CC2D1A: variants seen among roughly 807,000 people sequenced by gnomAD.
The protein encoded by CC2D1A is coiled-coil and C2 domain-containing protein 1A.
A neutral mutation model predicts 123.8 loss-of-function variants in CC2D1A; 68 were observed. The observed-to-expected ratio is 0.55, with a 90% confidence interval of 0.45 to 0.67. The LOEUF (loss-of-function observed/expected upper bound fraction) is 0.67, where lower values mean the gene tolerates loss of function less well. Ranked by LOEUF, CC2D1A falls within the 30% of genes least tolerant of loss-of-function variation. The pLI is 0.00. For missense variants in CC2D1A, 1,185 were observed against 1,290.3 expected, an observed-to-expected ratio of 0.92 and a Z score of 1.25; for synonymous variants, 477 against 528.0, an observed-to-expected ratio of 0.90 and a Z score of 1.32.
chr19:13,923,910 C>T lies in CC2D1A; in HGVS notation c.1940+99C>T. 1.1e-6 allele frequency: 1 copy of T among 884,192 alleles called. No homozygotes were observed. The highest frequency in any genetic ancestry group is 1.5e-5 in the South Asian group (1 of 68,224). The allele number at this position is 884,192 out of a possible 1,614,324, so 54.8% of individuals were successfully genotyped here. ...CCAGAAGCTGGCACAAGATTTACAT[C>T]TGGAAGAAATTTTGGATAGGTGGAA... On this transcript the variant is annotated intron_variant, in intron 17 of 28. Coordinates refer to ENST00000318003, the MANE Select transcript of CC2D1A (RefSeq NM_017721.5). This position sits in a 1 kb window ranked among gnomAD's most constrained non-coding sequence, Gnocchi z 5.3.
At chr19:13,919,992 G>C in intron 12 of CC2D1A, 41 bp downstream of exon 12, 1 of 1,562,106 alleles carries the variant, frequency 6.4e-7, no homozygotes, top group Admixed American at 1.8e-5. Context: ...CACACCTGTA[G>C]TCCCAGCACT....
rs1971375372 is a variant in CC2D1A at position 13,920,594 on chromosome 19, C to T, written c.1394C>T (p.Ala465Val). 1 of 1,609,208 alleles carries T rather than the reference C, an allele frequency of 6.2e-7. No homozygotes were observed. Among genetic ancestry groups the T allele is most frequent in the African/African-American group, 1.3e-5 (1 of 74,688 alleles). The stretch of plus-strand genomic sequence containing the variant: ...GTGGCCCCCACAGCCCAGCCCAAAG[C>T]CCCACCCTCAAGAACTCCCCAGTCG... ...SPVAPTAQPK[A>V]PPSRTPQSGS... Residue 465 changes from alanine to valine, a missense_variant, in exon 13 of 29, where the codon GCC becomes GTC. Ala to Val is a moderately conservative substitution (Grantham distance 64). Transcript: ENST00000318003.
At chr19:13,921,013 C>A in intron 14 of CC2D1A, 91 bp downstream of exon 14, 1 of 1,223,808 alleles carries the variant, frequency 8.2e-7, no homozygotes. Context: ...GTGTATTAGT[C>A]AAGGTCCAGC....
At chr19:13,912,494 C>A in intron 3 of CC2D1A, 34 bp from the exon 4 acceptor site, 1 of 1,614,062 alleles carries the variant, frequency 6.2e-7, no homozygotes, top group Non-Finnish European at 8.5e-7. Flanking sequence ...TCCAGCAGGC[C>A]CTTATATCCT....
Position 13,913,480 on chromosome 19 carries a change from T to C in CC2D1A, c.590T>C (p.Ile197Thr), listed in dbSNP as rs969631133. ...DEADIPPPVA[I>T]GKGPASTPTY... ...GCGGACATCCCGCCGCCAGTGGCCATAGGAAAAGGCCCGGCGTCCACGCCT... is the reference window on the plus strand; with the variant it reads ...GCGGACATCCCGCCGCCAGTGGCCACAGGAAAAGGCCCGGCGTCCACGCCT... Residue 197 changes from isoleucine to threonine, a missense_variant, in exon 6 of 29, where the codon ATA becomes ACA. Coordinates refer to ENST00000318003, the MANE Select transcript of CC2D1A (RefSeq NM_017721.5). 3.7e-6 allele frequency: 6 copies of C among 1,614,034 alleles called. No homozygotes were observed. The highest frequency in any genetic ancestry group is 2.7e-5 in the African/African-American group (2 of 74,934).
At chr19:13,918,009 G>T in intron 6 of CC2D1A, 61 bp from the exon 7 acceptor site, 2 of 1,569,300 alleles carry the variant, frequency 1.3e-6, no homozygotes, top group Non-Finnish European at 1.7e-6. Flanking sequence ...ATAACAAATG[G>T]TTTACACGGT....
chr19:13,923,501 T>C lies in CC2D1A; in HGVS notation c.1764+46T>C, dbSNP rs764976278. Reference sequence around the variant, plus strand: ...CCATCCCCCAGGAGCGTGACCCTCCTTCCCCTCTCTTCCCTTCCCTCGACT... The same window carrying C: ...CCATCCCCCAGGAGCGTGACCCTCCCTCCCCTCTCTTCCCTTCCCTCGACT... On this transcript the variant is annotated intron_variant, in intron 15 of 28. Transcript: ENST00000318003. This position sits in a 1 kb window ranked among gnomAD's most constrained non-coding sequence, Gnocchi z 5.3. 3.1e-6 allele frequency: 5 copies of C among 1,607,578 alleles called. No individual in the cohort carries two copies. The Admixed American group carries it at 6.7e-5, about 21-fold the overall frequency.
chr19:13,918,668 G>GA, intron 8 of CC2D1A, 78 bp from the exon 9 acceptor site: 1 of 1,582,738 alleles, frequency 6.3e-7, no homozygotes, highest in East Asian at 2.2e-5. Flanking sequence ...CAGGCCCAGA[G>GA]ACCACCCTCA....
In CC2D1A at chr19:13,918,817, G is replaced by T; in HGVS notation, c.1018G>T (p.Glu340Ter). 6.2e-7 allele frequency: 1 copy of T among 1,613,560 alleles called. No individual in the cohort carries two copies. The highest frequency in any genetic ancestry group is 8.5e-7 in the Non-Finnish European group (1 of 1,179,772). The change falls in exon 9 of 29, where the codon GAG (glutamate) becomes TAG (stop). Residue 340 changes from glutamate (E) to a stop codon, truncating the protein, a stop_gained and splice_region_variant. Transcript: ENST00000318003. LOFTEE classifies it high-confidence loss of function. The stretch of plus-strand genomic sequence containing the variant: ...CCCCGCTACGGCGCCCTCCACAACA[G>T]GTAGGTTCTGGGACCCTCTGGGGTT... ...PTPATAPSTTEVPPPPRTLLE... is the reference protein window; with the variant it reads ...PTPATAPSTT
intron 7 of CC2D1A, 135 bp downstream of exon 7, chr19:13,918,329 C>T: frequency 8.3e-7 from 1 of 1,198,556 alleles, no homozygotes; most frequent in African/African-American, 1.5e-5. Context: ...CTTGGAGCCT[C>T]AGTTTACCCC....
rs1214109247 is a variant in CC2D1A, at chr19:13,926,496, GC to G, written c.1941-18del. 7 of 1,611,338 alleles carry G rather than the reference GC, an allele frequency of 4.3e-6. No homozygotes were observed. The highest frequency in any genetic ancestry group is 5.9e-6 in the Non-Finnish European group (7 of 1,178,430). On this transcript the variant is annotated intron_variant, in intron 17 of 28. Transcript: ENST00000318003. The stretch of plus-strand genomic sequence containing the variant: ...CCTCTGTTTCCCTGCCCACCTGCCT[GC>G]CCACCTGCCCACCCGGAAGGATCTT...
At chr19:13,920,093 T>G (rs937281844) in intron 12 of CC2D1A, 142 bp downstream of exon 12, 1 of 845,946 alleles carries the variant, frequency 1.2e-6, no homozygotes, top group Admixed American at 3.0e-5. Flanking sequence ...ACAAAAAAAT[T>G]TTTTAAAATT....
intron 14 of CC2D1A, among the ~76,000 whole-genome samples, chr19:13,922,251 C>T (rs1445488945): frequency 6.6e-5 from 10 of 152,208 alleles, no homozygotes; most frequent in African/African-American, 2.4e-4. Context: ...ATCCACCTGC[C>T]TCGACCTCCC....
chr19:13,906,483 C>A lies in CC2D1A; in HGVS notation c.42C>A (p.Gly14=). Residue 14 remains glycine, a synonymous_variant, in exon 1 of 29, where the codon GGC becomes GGA. Coordinates refer to ENST00000318003, the MANE Select transcript of CC2D1A (RefSeq NM_017721.5). The surrounding 1 kb of genome is among the most constrained non-coding windows in gnomAD (Gnocchi z 4.1). ...RKGPPGPPGR[G]AAAARQLGLL... is the part of the protein sequence containing the mutation. ...GACCCCCGGGACCCCCGGGCAGAGG[C>A]GCCGCGGCCGCCCGCCAGGTGAGTT... The A allele has an allele frequency of 1.3e-6, 2 of 1,501,136 alleles. No individual in the cohort carries two copies. The highest frequency in any genetic ancestry group is 8.9e-7 in the Non-Finnish European group (1 of 1,128,236). 93.0% of individuals were successfully genotyped at this position (1,501,136 alleles called of 1,614,324 possible). A position where few individuals can be genotyped will look rare whatever the true frequency, so the allele number is the denominator to read the frequency against.
At chr19:13,924,151 G>A (rs892362343) in intron 17 of CC2D1A, among the ~76,000 whole-genome samples, 1 of 152,016 alleles carries the variant, frequency 6.6e-6, no homozygotes, top group Non-Finnish European at 1.5e-5. Flanking sequence ...CCAGAGGAGC[G>A]GGGATTGTTT....
intron 2 of CC2D1A, among the ~76,000 whole-genome samples, chr19:13,910,952 A>G (rs779869256): frequency 1.1e-4 from 16 of 151,672 alleles, no homozygotes; most frequent in Admixed American, 2.0e-4. Context: ...GGCATGAACT[A>G]CTGTGCTGTT....
At chr19:13,928,101 A>G (rs1971718045) in intron 23 of CC2D1A, 23 bp from the exon 24 acceptor site, 3 of 1,610,260 alleles carry the variant, frequency 1.9e-6, no homozygotes, top group Admixed American at 1.7e-5. Context: ...CAGGACTCAC[A>G]GGACTGGTTC....
chr19:13,918,837 G>C lies in CC2D1A; in HGVS notation c.1018+20G>C. The C allele has an allele frequency of 6.2e-7, 1 of 1,612,386 alleles. No individual in the cohort carries two copies. The highest frequency in any genetic ancestry group is 1.3e-5 in the African/African-American group (1 of 75,020). Reference sequence around the variant, plus strand: ...CAACAGGTAGGTTCTGGGACCCTCTGGGGTTGGGGGCAGGCTGGAGCCAGA... The same window carrying C: ...CAACAGGTAGGTTCTGGGACCCTCTCGGGTTGGGGGCAGGCTGGAGCCAGA... On this transcript the variant is annotated intron_variant, in intron 9 of 28. Coordinates refer to ENST00000318003, the MANE Select transcript of CC2D1A (RefSeq NM_017721.5).
rs746474610 is a variant in CC2D1A, at chr19:13,923,558, A to G, written c.1775A>G (p.Asn592Ser). The G allele has an allele frequency of 2.5e-6, 4 of 1,614,074 alleles. No homozygotes were observed. In the South Asian group the frequency reaches 4.4e-5, roughly 18 times the overall value. Residue 592 changes from asparagine (N) to serine (S), a missense_variant, in exon 16 of 29, where the codon AAC (asparagine) becomes AGC (serine). By Grantham distance (46) the Asn-to-Ser change is conservative (BLOSUM62 1). Coordinates refer to ENST00000318003, the MANE Select transcript of CC2D1A (RefSeq NM_017721.5). The surrounding 1 kb of genome is among the most constrained non-coding windows in gnomAD (Gnocchi z 5.3). ...LIRQQHEMCL[N>S]HSNQFTQLGN... ...CTTCTGTTTCCCCAGATGTGCCTGA[A>G]CCACTCAAACCAATTCACCCAGCTG...
Sources: allele counts gnomAD v4.1 joint callset (sites outside exome capture counted in the v4.1 genomes callset), GRCh38; gene constraint gnomAD v4.1.1; non-coding constraint Gnocchi (gnomAD v3.1); transcripts MANE v1.5; gene names NCBI Gene and HGNC (gene_info 2026-07-23, HGNC 2026-07-21).